Variants in USP47 observed in about 807,000 individuals in gnomAD.
The protein encoded by USP47 is ubiquitin specific peptidase 47.
Under a neutral mutation model 165.1 loss-of-function variants are expected in USP47, and 35 were observed. The ratio of observed to expected loss-of-function variants is 0.21; its 90% CI spans 0.16 to 0.28. The LOEUF (loss-of-function observed/expected upper bound fraction) is 0.28. USP47 is among the 10% of genes least tolerant of loss of function. The pLI is 1.00. For missense variants in USP47, 1,277 were observed against 1,607.4 expected, an observed-to-expected ratio of 0.79 and a Z score of 3.52; for synonymous variants, 531 against 544.5, an observed-to-expected ratio of 0.98 and a Z score of 0.35.
intron 1 of USP47, among the ~76,000 whole-genome samples, chr11:11,850,825 C>T (rs909907518): frequency 3.9e-5 from 6 of 152,206 alleles, no homozygotes; most frequent in Non-Finnish European, 5.9e-5. Flanking sequence ...ATAAAGGTGC[C>T]GGCAGATTTG....
At chr11:11,888,779 TG>T (rs1851329380) in intron 3 of USP47, among the ~76,000 whole-genome samples, 1 of 152,192 alleles carries the variant, frequency 6.6e-6, no homozygotes, top group Admixed American at 6.5e-5. Context: ...GTATCCCTGA[TG>T]AACATCGGTG....
At chr11:11,898,075 T>G (rs1851954857) in intron 5 of USP47, among the ~76,000 whole-genome samples, 2 of 152,208 alleles carry the variant, frequency 1.3e-5, no homozygotes, top group South Asian at 4.1e-4. Flanking sequence ...TTTTTTAACT[T>G]GCAAGTTTTG....
intron 7 of USP47, 124 bp from the exon 8 acceptor site, chr11:11,905,275 T>A: frequency 2.4e-6 from 1 of 410,228 alleles, no homozygotes; most frequent in Non-Finnish European, 3.8e-6. Flanking sequence ...ATATTAATGT[T>A]TTCAAAGATT....
intron 8 of USP47, among the ~76,000 whole-genome samples, chr11:11,909,664 A>G (rs565738630): frequency 6.4e-4 from 98 of 152,232 alleles, no homozygotes; most frequent in African/African-American, 1.5e-3. Context: ...CTTTTATTCT[A>G]TTGTTCATTA....
chr11:11,852,794 A>G (rs1342624458), intron 1 of USP47, among the ~76,000 whole-genome samples: 3 of 152,214 alleles, frequency 2.0e-5, no homozygotes, highest in Non-Finnish European at 4.4e-5. Context: ...CTTTAACCAG[A>G]GATTCTTAAT....
At chr11:11,943,969 C>T (rs553213959) in intron 20 of USP47, 2 of 151,858 alleles carry the variant, frequency 1.3e-5, no homozygotes, top group African/African-American at 4.8e-5. Context: ...CTTTGTAAAG[C>T]AAACATTAGT....
In USP47 at chr11:11,949,883, T is replaced by TG; in HGVS notation, c.3349-6_3349-5insG. ...AAGCTCTGATTGTTTATGTTTATAT[T>TG]TCTAGCCATGCAAGTTTCTGCTAGA... On this transcript the variant is annotated splice_region_variant and splice_polypyrimidine_tract_variant and intron_variant, in intron 22 of 27. Coordinates refer to ENST00000527733, the MANE Select transcript of USP47 (RefSeq NM_001282659.2). The TG allele has an allele frequency of 6.3e-7, 1 of 1,590,090 alleles. No homozygotes were observed. Among genetic ancestry groups the TG allele is most frequent in the Non-Finnish European group, 8.6e-7 (1 of 1,159,794 alleles).
At chr11:11,902,062 C>A (rs899604005) in intron 5 of USP47, among the ~76,000 whole-genome samples, 2 of 151,122 alleles carry the variant, frequency 1.3e-5, no homozygotes, top group Admixed American at 6.6e-5. Flanking sequence ...TCTTTTTTGT[C>A]TATACCCTCC....
At chr11:11,930,886 A>G in intron 14 of USP47, 135 bp downstream of exon 14, 1 of 638,804 alleles carries the variant, frequency 1.6e-6, no homozygotes, top group Non-Finnish European at 2.6e-6. Flanking sequence ...TTATTTACAA[A>G]GACTGTTACA....
At position 11,958,208 on chromosome 11, in the gene USP47, A is replaced by G. The variant is rs1195931440; in HGVS notation, c.*2033A>G. The G allele has an allele frequency of 2.6e-5, 4 of 152,230 alleles. No homozygotes were observed. Among genetic ancestry groups the G allele is most frequent in the Non-Finnish European group, 5.9e-5 (4 of 68,040 alleles). 9.4% of individuals were successfully genotyped at this position (152,230 alleles called of 1,614,324 possible). A position where few individuals can be genotyped will look rare whatever the true frequency, so the allele number is the denominator to read the frequency against. ...TTTGGTTTAGTATTCCTATGAGCGT[A>G]AATGGTAAAATTCTTCTGATACCCA... is the stretch of plus-strand genomic sequence containing the variant. On this transcript the variant is annotated 3_prime_UTR_variant, in exon 28 of 28. Coordinates refer to ENST00000527733, the MANE Select transcript of USP47 (RefSeq NM_001282659.2).
At chr11:11,906,786 G>A (rs1272766899) in intron 8 of USP47, among the ~76,000 whole-genome samples, 1 of 151,930 alleles carries the variant, frequency 6.6e-6, no homozygotes, top group African/African-American at 2.4e-5. Context: ...GCTTTAATTG[G>A]CAGTTCAAAG....
intron 1 of USP47, among the ~76,000 whole-genome samples, chr11:11,847,129 TAC>T (rs1303720708): frequency 2.0e-5 from 3 of 152,150 alleles, no homozygotes; most frequent in African/African-American, 7.2e-5. Flanking sequence ...TTAGAAGGAA[TAC>T]ACTAAAATAT....
At chr11:11,898,969 C>T (rs551441216) in intron 5 of USP47, among the ~76,000 whole-genome samples, 25 of 152,230 alleles carry the variant, frequency 1.6e-4, no homozygotes, top group Non-Finnish European at 1.3e-4. Flanking sequence ...TATTATTGTC[C>T]GCATTTTACA....
chr11:11,880,102 A>G, intron 1 of USP47, 75 bp from the exon 2 acceptor site: 1 of 1,056,332 alleles, frequency 9.5e-7, no homozygotes, highest in Non-Finnish European at 1.3e-6. Flanking sequence ...TTTAATCATA[A>G]AATTTTATAG....
intron 1 of USP47, among the ~76,000 whole-genome samples, chr11:11,854,622 T>C (rs751108788): frequency 6.8e-6 from 1 of 147,600 alleles, no homozygotes; most frequent in Non-Finnish European, 1.5e-5. Context: ...CAACAAATAT[T>C]TGTGGATTAA....
rs747551511 is a variant in USP47 at position 11,942,685 on chromosome 11, C to T, written c.2664C>T (p.Ile888=). Residue 888 remains isoleucine (I), a synonymous_variant, in exon 20 of 28, where the codon ATC becomes ATT. Coordinates refer to ENST00000527733, the MANE Select transcript of USP47 (RefSeq NM_001282659.2). Reference sequence around the variant, plus strand: ...CTGAGACAAGTGACTTTGAAAACATCGAATCACCTCTCAATGAGAGGGACT... The same window carrying T: ...CTGAGACAAGTGACTTTGAAAACATTGAATCACCTCTCAATGAGAGGGACT... ...KSTETSDFEN[I]ESPLNERDSS... is the part of the protein sequence containing the mutation. 1 of 1,613,514 alleles carries T rather than the reference C, an allele frequency of 6.2e-7. No homozygotes were observed. Among genetic ancestry groups the T allele is most frequent in the East Asian group, 2.2e-5 (1 of 44,866 alleles).
intron 4 of USP47, among the ~76,000 whole-genome samples, chr11:11,896,456 G>C (rs1851853789): frequency 6.6e-6 from 1 of 152,178 alleles, no homozygotes; most frequent in Non-Finnish European, 1.5e-5. Flanking sequence ...AGAAGATACA[G>C]AACAATTGGT....
At chr11:11,866,617 T>A (rs1196074159) in intron 1 of USP47, among the ~76,000 whole-genome samples, 1 of 152,202 alleles carries the variant, frequency 6.6e-6, no homozygotes, top group East Asian at 1.9e-4. Flanking sequence ...TCACCTTCCT[T>A]CTGGGGTCAC....
At chr11:11,860,677 G>T (rs1344555115) in intron 1 of USP47, among the ~76,000 whole-genome samples, 1 of 152,126 alleles carries the variant, frequency 6.6e-6, no homozygotes, top group Non-Finnish European at 1.5e-5. Context: ...GTCACTGCTT[G>T]TCAACAACAG....
Sources: allele counts gnomAD v4.1 joint callset (sites outside exome capture counted in the v4.1 genomes callset), GRCh38; gene constraint gnomAD v4.1.1; transcripts MANE v1.5; gene names NCBI Gene and HGNC (gene_info 2026-07-23, HGNC 2026-07-21).